MMRN2: variants seen among roughly 807,000 people sequenced by gnomAD.
MMRN2 encodes multimerin 2.
In MMRN2, 53 loss-of-function variants were observed where a neutral mutation model predicts 68.8. That is an observed-to-expected ratio of 0.77 (90% CI 0.62 to 0.97). The LOEUF is 0.97. Ranked by LOEUF, MMRN2 falls within the 50% of genes least tolerant of loss-of-function variation. MMRN2 has a pLI of 0.00. For synonymous variants in MMRN2, 564 were observed against 551.6 expected, an observed-to-expected ratio of 1.02 and a Z score of -0.32; for missense variants, 1,266 against 1,259.5, an observed-to-expected ratio of 1.01 and a Z score of -0.08.
rs61736566 is a variant in MMRN2, at chr10:86,944,372, C to T, written c.545G>A (p.Gly182Glu). 17 of 1,613,890 alleles carry T rather than the reference C, an allele frequency of 1.1e-5. No individual in the cohort carries two copies. The highest frequency in any genetic ancestry group is 5.3e-5 in the African/African-American group (4 of 74,912). The part of the protein sequence containing the change: ...VQQEQQEHLL[G>E]DLQNDVHRVA... ...CCGGTGCACATCATTCTGGAGATCT[C>T]CCAGCAGATGTTCCTGCTGTTCCTG... Residue 182 changes from glycine (G) to glutamate (E), a missense_variant, in exon 5 of 7, where the codon GGA (glycine) becomes GAA (glutamate). Coordinates refer to ENST00000372027, the MANE Select transcript of MMRN2 (RefSeq NM_024756.3).
rs529679766 is a variant in MMRN2, at chr10:86,956,041, C to T, written c.164+1337G>A. ...CTCCCGTCCACCGGGTCCTCTCATC[C>T]TCCCTTTCATCAAAAGGCGGAAGGT... On this transcript the variant is annotated intron_variant, in intron 1 of 6. Transcript: ENST00000372027. Among the ~76,000 whole-genome samples, 4 of 152,274 alleles carry T rather than the reference C, an allele frequency of 2.6e-5. No individual in the cohort carries two copies. The South Asian group carries it at 8.3e-4, about 32-fold the overall frequency.
chr10:86,944,606 A>T (rs1232714027), intron 4 of MMRN2, 171 bp from the exon 5 acceptor site: 1 of 641,152 alleles, frequency 1.6e-6, no homozygotes, highest in East Asian at 2.8e-5. Context: ...ATAGCAAGTG[A>T]GCCCTCACCC....
At chr10:86,950,483 A>G (rs962471031) in intron 1 of MMRN2, among the ~76,000 whole-genome samples, 6 of 152,180 alleles carry the variant, frequency 3.9e-5, no homozygotes, top group African/African-American at 7.2e-5. Flanking sequence ...CACAGGAAAC[A>G]CTCTAACAAA....
Position 86,942,378 on chromosome 10 carries a change from C to T in MMRN2, c.2406G>A (p.Leu802=), listed in dbSNP as rs1433542022. ...RKRDKKEAEP[L]VDIRVTGPVP... Reference sequence around the variant, plus strand: ...CAGGCCCTGTGACCCGTATGTCCACCAAAGGCTCCGCTTCCTTCTTGTCCC... The same window carrying T: ...CAGGCCCTGTGACCCGTATGTCCACTAAAGGCTCCGCTTCCTTCTTGTCCC... Residue 802 remains leucine (L), a synonymous_variant, in exon 6 of 7, where the codon TTG becomes TTA. Coordinates refer to ENST00000372027, the MANE Select transcript of MMRN2 (RefSeq NM_024756.3). 3 of 1,614,056 alleles carry T rather than the reference C, an allele frequency of 1.9e-6. No individual in the cohort carries two copies. The highest frequency in any genetic ancestry group is 1.1e-5 in the South Asian group (1 of 91,080).
At chr10:86,955,729 C>T (rs941660073) in intron 1 of MMRN2, among the ~76,000 whole-genome samples, 3 of 152,210 alleles carry the variant, frequency 2.0e-5, no homozygotes, top group Non-Finnish European at 4.4e-5. Flanking sequence ...CCTTTCTCAC[C>T]AGCCCATCCG....
chr10:86,947,460 C>T (rs1844085654), intron 1 of MMRN2, among the ~76,000 whole-genome samples: 1 of 152,036 alleles, frequency 6.6e-6, no homozygotes, highest in Admixed American at 6.5e-5. Context: ...CTCCACCTCC[C>T]AGGTTCAAGC....
chr10:86,950,830 A>C (rs1431863399), intron 1 of MMRN2, among the ~76,000 whole-genome samples: 1 of 152,184 alleles, frequency 6.6e-6, no homozygotes, highest in Non-Finnish European at 1.5e-5. Context: ...GAAAACCAAA[A>C]GTGTGCAAGG....
chr10:86,943,435 A>G lies in MMRN2; in HGVS notation c.1349T>C (p.Leu450Pro), dbSNP rs2063461785. ...HTALRELRVI[L>P]MEKSLIMEEN... ...CTCCATGATCAGAGACTTCTCCATC[A>G]GGATCACGCGCAGCTCACGGAGCGC... is the stretch of plus-strand genomic sequence containing the variant. Residue 450 changes from leucine to proline, a missense_variant, in exon 6 of 7, where the codon CTG becomes CCG. Coordinates refer to ENST00000372027, the MANE Select transcript of MMRN2 (RefSeq NM_024756.3). This position sits in a 1 kb window ranked among gnomAD's most constrained non-coding sequence, Gnocchi z 4.2. The G allele has an allele frequency of 3.7e-6, 6 of 1,614,182 alleles. No homozygotes were observed. The highest frequency in any genetic ancestry group is 5.1e-6 in the Non-Finnish European group (6 of 1,180,016).
At position 86,943,559 on chromosome 10, in the gene MMRN2, C is replaced by T. The variant is rs763290902; in HGVS notation, c.1225G>A (p.Val409Met). The T allele has an allele frequency of 6.8e-6, 11 of 1,614,088 alleles. No homozygotes were observed. The highest frequency in any genetic ancestry group is 4.0e-5 in the African/African-American group (3 of 74,934). Residue 409 changes from valine to methionine, a missense_variant, in exon 6 of 7, where the codon GTG becomes ATG. By Grantham distance (21) the Val-to-Met change is conservative. Coordinates refer to ENST00000372027, the MANE Select transcript of MMRN2 (RefSeq NM_024756.3). The surrounding 1 kb of genome is among the most constrained non-coding windows in gnomAD (Gnocchi z 4.2). ...GAGTACAGTTCCTTGATCTCATCCA[C>T]GTGCCGGGTCAGGGTGGCCCTCATG... ...EDMRATLTRH[V>M]DEIKELYSES...
chr10:86,955,296 CA>C (rs1413802589), intron 1 of MMRN2, among the ~76,000 whole-genome samples: 2 of 152,336 alleles, frequency 1.3e-5, no homozygotes, highest in East Asian at 3.9e-4. Flanking sequence ...AGCCAGGGCA[CA>C]GAAACAGCCT....
At chr10:86,954,574 G>A (rs1293825065) in intron 1 of MMRN2, among the ~76,000 whole-genome samples, 3 of 152,300 alleles carry the variant, frequency 2.0e-5, no homozygotes. Context: ...GGGCCCTCAA[G>A]TCTTCCTTGG....
At chr10:86,946,864 C>T (rs1330013639) in intron 1 of MMRN2, among the ~76,000 whole-genome samples, 2 of 152,136 alleles carry the variant, frequency 1.3e-5, no homozygotes, top group Non-Finnish European at 2.9e-5. Flanking sequence ...GTGAGAAGTG[C>T]TAGGATCTGC....
At chr10:86,946,984 G>A (rs968092522) in intron 1 of MMRN2, among the ~76,000 whole-genome samples, 3 of 152,180 alleles carry the variant, frequency 2.0e-5, no homozygotes, top group African/African-American at 7.2e-5. Context: ...GCTGCAGAAG[G>A]AGGCTGGGAT....
Position 86,942,363 on chromosome 10 carries a change from G to T in MMRN2, c.2421C>A (p.Val807=). 3 of 1,614,072 alleles carry T rather than the reference G, an allele frequency of 1.9e-6. No homozygotes were observed. Among genetic ancestry groups the T allele is most frequent in the Non-Finnish European group, 2.5e-6 (3 of 1,179,976 alleles). The change falls in exon 6 of 7, where the codon GTC becomes GTA. Residue 807 remains valine (V), a synonymous_variant. Coordinates refer to ENST00000372027, the MANE Select transcript of MMRN2 (RefSeq NM_024756.3). ...KEAEPLVDIR[V]TGPVPGALGA... ...CCAAGGCACCTGGCACAGGCCCTGT[G>T]ACCCGTATGTCCACCAAAGGCTCCG...
intron 6 of MMRN2, among the ~76,000 whole-genome samples, chr10:86,939,532 A>G (rs766971541): frequency 5.9e-4 from 88 of 149,894 alleles, no homozygotes; most frequent in Middle Eastern, 3.5e-3. Flanking sequence ...TGCCTCTGCA[A>G]TTCCCCTAAC....
intron 1 of MMRN2, among the ~76,000 whole-genome samples, chr10:86,948,224 CAAAAAAAAA>C (rs57877767): frequency 1.0e-5 from 1 of 98,858 alleles, no homozygotes; most frequent in African/African-American, 3.8e-5. Context: ...AACCCTATCT[CAAAAAAAAA>C]AAAAAAAAAA....
At position 86,944,578 on chromosome 10, in the gene MMRN2, CCCCTGGAGGG is replaced by C. The variant is rs1844038631; in HGVS notation, c.482-153_482-144del. ...TGAGCAGGAGCTTAGAAGCCTTAAA[CCCCTGGAGGG>C]CAAATGCATAGCAAGTGAGCCCTCA... On this transcript the variant is annotated intron_variant, in intron 4 of 6. Transcript: ENST00000372027. The C allele has an allele frequency of 6.1e-5, 52 of 856,482 alleles. 1 individual carries two copies. In the South Asian group the frequency reaches 8.5e-4, roughly 14 times the overall value. The allele number at this position is 856,482 out of a possible 1,614,324, so 53.1% of individuals were successfully genotyped here. A position where few individuals can be genotyped will look rare whatever the true frequency, so the allele number is the denominator to read the frequency against.
Position 86,936,941 on chromosome 10 carries a change from G to C in MMRN2, c.2652C>G (p.Thr884=), listed in dbSNP as rs61740815. 1 of 1,614,204 alleles carries C rather than the reference G, an allele frequency of 6.2e-7. No homozygotes were observed. Among genetic ancestry groups the C allele is most frequent in the Non-Finnish European group, 8.5e-7 (1 of 1,180,030 alleles). Residue 884 remains threonine (T), a synonymous_variant, in exon 7 of 7, where the codon ACC becomes ACG. Coordinates refer to ENST00000372027, the MANE Select transcript of MMRN2 (RefSeq NM_024756.3). ...GGTGACCTCCAAACACCAGCTGCCC[G>C]GTGCCTGGCCCTGGGCCAAATTCAA... ...VSVEFGPGPG[T]GQLVFGGHHR...
Position 86,945,493 on chromosome 10 carries a change from G to T in MMRN2, c.294-17C>A, listed in dbSNP as rs1182695056. Reference sequence around the variant, plus strand: ...ATGCGGTACCTGGAAGAGGAGAAGGGCTGGCTCAGTGATTCCAGGGAGGGC... The same window carrying T: ...ATGCGGTACCTGGAAGAGGAGAAGGTCTGGCTCAGTGATTCCAGGGAGGGC... On this transcript the variant is annotated splice_polypyrimidine_tract_variant and intron_variant, in intron 2 of 6. Transcript: ENST00000372027. The T allele has an allele frequency of 6.4e-7, 1 of 1,556,376 alleles. No individual in the cohort carries two copies. The highest frequency in any genetic ancestry group is 1.9e-5 in the Admixed American group (1 of 51,298).
Sources: gnomAD v4.1 joint callset for allele counts (sites outside exome capture counted in the v4.1 genomes callset) on GRCh38, gnomAD v4.1.1 for gene constraint, Gnocchi (gnomAD v3.1) non-coding constraint, MANE v1.5 for transcripts, NCBI Gene and HGNC (gene_info 2026-07-23, HGNC 2026-07-21) for gene names.